Variants in CSMD1 observed in about 807,000 individuals in gnomAD.
CSMD1 encodes CUB and Sushi multiple domains 1, also known as CUB and sushi domain-containing protein 1.
Under a neutral mutation model 417.5 loss-of-function variants are expected in CSMD1, and 213 were observed. The observed-to-expected ratio is 0.51, with a 90% CI of 0.46 to 0.57. The LOEUF (loss-of-function observed/expected upper bound fraction) is 0.57, where lower values mean the gene tolerates loss of function less well. Ranked by LOEUF, CSMD1 falls within the 20% of genes least tolerant of loss-of-function variation. The probability of loss-of-function intolerance (pLI) is 0.00; values close to 1 mark genes in which losing one functional copy is unlikely to be tolerated. For synonymous variants in CSMD1, 2,862 were observed against 1,736.8 expected (o/e 1.65, Z -16.11); for missense variants, 6,923 against 4,529.7 (o/e 1.53, Z -15.17).
intron 3 of CSMD1, among the ~76,000 whole-genome samples, chr8:4,383,370 G>A (rs768914558): frequency 6.6e-6 from 1 of 152,102 alleles, no homozygotes; most frequent in African/African-American, 2.4e-5. Flanking sequence ...TTTGCTTATG[G>A]AAATGTTTAC....
At chr8:3,433,592 C>T (rs1331535377) in intron 12 of CSMD1, among the ~76,000 whole-genome samples, 1 of 152,168 alleles carries the variant, frequency 6.6e-6, no homozygotes, top group Non-Finnish European at 1.5e-5. Context: ...ACGTGCCACA[C>T]TCTAGTGCTG....
At chr8:4,912,714 T>A (rs1408438367) in intron 1 of CSMD1, among the ~76,000 whole-genome samples, 2 of 152,190 alleles carry the variant, frequency 1.3e-5, no homozygotes, top group South Asian at 4.1e-4. Context: ...GGAAACAGAA[T>A]AACCACCAGT....
intron 6 of CSMD1, among the ~76,000 whole-genome samples, chr8:3,714,348 CTT>C (rs1801702082): frequency 6.6e-6 from 1 of 150,386 alleles, no homozygotes; most frequent in African/African-American, 2.4e-5. Context: ...TTATATTTAC[CTT>C]TTCTTTTTAT....
chr8:4,325,156 G>T (rs1164226639), intron 3 of CSMD1, among the ~76,000 whole-genome samples: 1 of 152,130 alleles, frequency 6.6e-6, no homozygotes, highest in South Asian at 2.1e-4. Flanking sequence ...AGACACAGGG[G>T]AAAGAGGAGA....
At chr8:4,752,504 C>T (rs541682213) in intron 1 of CSMD1, among the ~76,000 whole-genome samples, 1 of 152,198 alleles carries the variant, frequency 6.6e-6, no homozygotes, top group South Asian at 2.1e-4. Context: ...GTTATAAGGG[C>T]TAAAACGTGA....
chr8:3,472,023 T>C (rs763930829), intron 11 of CSMD1, among the ~76,000 whole-genome samples: 34 of 152,092 alleles, frequency 2.2e-4, no homozygotes, highest in Non-Finnish European at 4.4e-5. Context: ...CCCTTTCACT[T>C]TGAGACTTAT....
At chr8:3,801,627 A>T (rs1356088050) in intron 5 of CSMD1, among the ~76,000 whole-genome samples, 1 of 135,144 alleles carries the variant, frequency 7.4e-6, no homozygotes, top group African/African-American at 2.5e-5. Flanking sequence ...TAGTTTTTCT[A>T]CCCAAGAAAA....
intron 23 of CSMD1, among the ~76,000 whole-genome samples, chr8:3,323,145 T>C (rs1333059668): frequency 6.6e-6 from 1 of 152,188 alleles, no homozygotes; most frequent in African/African-American, 2.4e-5. Flanking sequence ...GTCTTATTAG[T>C]AGGTTGTATG....
chr8:3,650,226 T>C (rs9657365), intron 7 of CSMD1, among the ~76,000 whole-genome samples: 142,931 of 151,962 alleles, frequency 0.94, 67,305 homozygotes, highest in African/African-American at 0.98. Context: ...TGCAATGACC[T>C]GAGATTGCTT....
chr8:3,975,618 T>C (rs1390406434), intron 5 of CSMD1, among the ~76,000 whole-genome samples: 2 of 152,134 alleles, frequency 1.3e-5, no homozygotes. Context: ...AGGGTTCCCA[T>C]GACTAAAGTG....
rs373180076 is a variant in CSMD1 at position 4,813,556 on chromosome 8, G to A, written c.86-175998C>T. Among the ~76,000 whole-genome samples, 8 of 152,252 alleles carry A rather than the reference G, an allele frequency of 5.3e-5. No individual in the cohort carries two copies. The East Asian group carries it at 1.5e-3, about 29-fold the overall frequency. On this transcript the variant is annotated intron_variant, in intron 1 of 69. Coordinates refer to ENST00000635120, the MANE Select transcript of CSMD1 (RefSeq NM_033225.6). ...CCAGTGAATGTGTTAACTCTTTCCA[G>A]AAGCCCTAGAGAAACATGTTCATCA...
At chr8:4,501,526 T>C (rs1486490927) in intron 2 of CSMD1, among the ~76,000 whole-genome samples, 1 of 152,196 alleles carries the variant, frequency 6.6e-6, no homozygotes, top group Admixed American at 6.6e-5. Flanking sequence ...TTTCACTTTC[T>C]GTGGTTTCAG....
chr8:4,096,674 C>T lies in CSMD1; in HGVS notation c.416-64575G>A, dbSNP rs148731820. ...ATATTTAGATAAGAACATAAGGCAACAAATTCAGACTTTCCAAAAGCGTCA... is the reference window on the plus strand; with the variant it reads ...ATATTTAGATAAGAACATAAGGCAATAAATTCAGACTTTCCAAAAGCGTCA... On this transcript the variant is annotated intron_variant, in intron 3 of 69. Transcript: ENST00000635120. 5.2e-3 allele frequency among the ~76,000 whole-genome samples: 792 copies of T among 152,288 alleles called. 6 individuals carry two copies. Among genetic ancestry groups the T allele is most frequent in the African/African-American group, 0.018 (754 of 41,562 alleles).
At chr8:4,064,476 C>A (rs1381934253) in intron 3 of CSMD1, among the ~76,000 whole-genome samples, 1 of 152,206 alleles carries the variant, frequency 6.6e-6, no homozygotes, top group African/African-American at 2.4e-5. Flanking sequence ...CTGTAGCTGT[C>A]TAGAGCTGCA....
chr8:4,004,986 T>C (rs1162027724), intron 4 of CSMD1, among the ~76,000 whole-genome samples: 2 of 152,092 alleles, frequency 1.3e-5, no homozygotes, highest in African/African-American at 4.8e-5. Flanking sequence ...CCTCGTGATC[T>C]GCCAGCCTCA....
chr8:3,369,791 T>C (rs533570887), intron 18 of CSMD1, among the ~76,000 whole-genome samples: 9 of 152,220 alleles, frequency 5.9e-5, no homozygotes, highest in Non-Finnish European at 1.3e-4. Context: ...AAGTTTTATG[T>C]AATCATTTCA....
At chr8:3,642,383 A>C (rs1050433032) in intron 7 of CSMD1, among the ~76,000 whole-genome samples, 2 of 152,132 alleles carry the variant, frequency 1.3e-5, no homozygotes, top group Non-Finnish European at 2.9e-5. Context: ...TTATAACCTT[A>C]AGTCCACTTT....
intron 5 of CSMD1, among the ~76,000 whole-genome samples, chr8:3,766,956 G>C (rs1253110798): frequency 6.6e-6 from 1 of 152,096 alleles, no homozygotes; most frequent in African/African-American, 2.4e-5. Context: ...GATGCAGCAC[G>C]GCTAATGCAA....
intron 20 of CSMD1, among the ~76,000 whole-genome samples, chr8:3,364,979 T>G (rs1293248521): frequency 1.3e-5 from 2 of 152,196 alleles, no homozygotes; most frequent in African/African-American, 4.8e-5. Context: ...GAGAAACACC[T>G]GCAGAAGTGA....
Sources: allele counts gnomAD v4.1 joint callset (sites outside exome capture counted in the v4.1 genomes callset), GRCh38; gene constraint gnomAD v4.1.1; transcripts MANE v1.5; gene names NCBI Gene and HGNC (gene_info 2026-07-23, HGNC 2026-07-21).